Variants in SACS observed in about 807,000 individuals in gnomAD.
SACS encodes the protein sacsin molecular chaperone, also known as sacsin.
In SACS, 197 loss-of-function variants were observed where a neutral mutation model predicts 348.0. That is an observed-to-expected ratio of 0.57 (90% confidence interval 0.50 to 0.64). The LOEUF is 0.64. Among genes scored for constraint, SACS ranks in the 30% least tolerant of loss-of-function variants. SACS has a pLI of 0.00. For missense variants in SACS, 4,999 were observed against 5,360.8 expected, an observed-to-expected ratio of 0.93 and a Z score of 2.11; for synonymous variants, 1,985 against 1,910.6, an observed-to-expected ratio of 1.04 and a Z score of -1.02.
rs1455651684 is a variant in SACS at position 23,339,184 on chromosome 13, G to A, written c.4692C>T (p.Tyr1564=). ...TAATGATGGGAATGTCAGTGATATG[G>A]TACACAGAATTAAATCCAAGACCAA... ...GKFGLGFNSV[Y]HITDIPIIMS... The change falls in exon 10 of 10, where the codon TAC becomes TAT. Residue 1564 remains tyrosine (Y), a synonymous_variant. Transcript: ENST00000382292. 2 of 1,612,884 alleles carry A rather than the reference G, an allele frequency of 1.2e-6. No homozygotes were observed. The highest frequency in any genetic ancestry group is 8.5e-7 in the Non-Finnish European group (1 of 1,179,484).
At chr13:23,412,016 T>G (rs545408007) in intron 1 of SACS, among the ~76,000 whole-genome samples, 1 of 152,130 alleles carries the variant, frequency 6.6e-6, no homozygotes, top group Admixed American at 6.5e-5. Context: ...TCCCAACACT[T>G]TGGGAGGCAG....
intron 2 of SACS, among the ~76,000 whole-genome samples, chr13:23,405,504 C>A (rs1873166040): frequency 6.6e-6 from 1 of 152,180 alleles, no homozygotes; most frequent in African/African-American, 2.4e-5. Flanking sequence ...GCAAAGACTT[C>A]ATGACTGAAA....
rs747013127 is a variant in SACS, at chr13:23,333,254, T to C, written c.10622A>G (p.Tyr3541Cys). 47 of 1,600,596 alleles carry C rather than the reference T, an allele frequency of 2.9e-5. No homozygotes were observed. Among genetic ancestry groups the C allele is most frequent in the Admixed American group, 7.0e-5 (4 of 57,342 alleles). ...NSRLKQAKHF[Y>C]DRTVRVFEVM... The stretch of plus-strand genomic sequence containing the variant: ...TTCAAAAACTCTCACAGTTCTATCA[T>C]AGAAATGCTTTGCTTGCTTTAGTCT... Residue 3541 changes from tyrosine to cysteine, a missense_variant, in exon 10 of 10, where the codon TAT (tyrosine) becomes TGT (cysteine). By Grantham distance (194) the Tyr-to-Cys change is radical (BLOSUM62 -2). Transcript: ENST00000382292.
chr13:23,382,261 C>A lies in SACS; in HGVS notation c.21-6992G>T, dbSNP rs148847937. ...CTCTGCCTCCCAGGCTCAAACAGTT[C>A]TCCTACCTTAGCCTCCCGGGTAGCT... is the stretch of plus-strand genomic sequence containing the variant. On this transcript the variant is annotated intron_variant, in intron 2 of 9. Transcript: ENST00000382292. Among the ~76,000 whole-genome samples the A allele has an allele frequency of 2.0e-4, 31 of 152,244 alleles. No homozygotes were observed. The East Asian group carries it at 6.0e-3, about 29-fold the overall frequency.
chr13:23,359,788 A>G (rs1870616079), intron 6 of SACS, among the ~76,000 whole-genome samples: 1 of 152,166 alleles, frequency 6.6e-6, no homozygotes. Context: ...TACAAAGCAG[A>G]TGAACCTGTG....
rs1312393079 is a variant in SACS, at chr13:23,332,253, G to A, written c.11623C>T (p.Arg3875Cys). 1.2e-5 allele frequency: 20 copies of A among 1,613,778 alleles called. No individual in the cohort carries two copies. The highest frequency in any genetic ancestry group is 1.7e-5 in the Admixed American group (1 of 60,010). ...CCAGAAACTACTCTCTTAACTGTACGCATTTCATTAGGATCTAATTGTTTG... is the reference window on the plus strand; with the variant it reads ...CCAGAAACTACTCTCTTAACTGTACACATTTCATTAGGATCTAATTGTTTG... ...EGKQLDPNEM[R>C]TVKRVVSGLF... The change falls in exon 10 of 10, where the codon CGT becomes TGT. Residue 3875 changes from arginine (R) to cysteine (C), a missense_variant. Arg to Cys is a radical substitution (Grantham distance 180). This residue lies in a region of SACS where 831 missense variants were observed against 941.8 expected (regional missense o/e 0.88). Transcript: ENST00000382292.
chr13:23,350,845 T>TGA, intron 9 of SACS, among the ~76,000 whole-genome samples: 1 of 152,160 alleles, frequency 6.6e-6, no homozygotes, highest in South Asian at 2.1e-4. Context: ...ATGACTTACA[T>TGA]GATTGGTAAG....
chr13:23,341,624 A>AT lies in SACS; in HGVS notation c.2251dup (p.Met751AsnfsTer18). ...TTCTCTGCCAGGCCAGAATGTATTC[A>AT]TTACTTCCTTGATAAGACGTGCAAA... On this transcript the variant is annotated frameshift_variant, in exon 10 of 10. Coordinates refer to ENST00000382292, the MANE Select transcript of SACS (RefSeq NM_014363.6). LOFTEE classifies it high-confidence loss of function. The AT allele has an allele frequency of 6.2e-7, 1 of 1,613,698 alleles. No homozygotes were observed. The highest frequency in any genetic ancestry group is 8.5e-7 in the Non-Finnish European group (1 of 1,179,954).
chr13:23,416,560 C>A (rs1266129579), intron 1 of SACS, among the ~76,000 whole-genome samples: 1 of 151,986 alleles, frequency 6.6e-6, no homozygotes, highest in East Asian at 1.9e-4. Flanking sequence ...GAGTTCGAGG[C>A]CAGCCTGACC....
At chr13:23,401,972 G>C (rs1872996590) in intron 2 of SACS, among the ~76,000 whole-genome samples, 1 of 152,190 alleles carries the variant, frequency 6.6e-6, no homozygotes, top group African/African-American at 2.4e-5. Context: ...GAGGTCAGGA[G>C]ATTGAGACCA....
In SACS at chr13:23,339,993, T is replaced by C. The variant is rs1390306155; in HGVS notation, c.3883A>G (p.Ile1295Val). The C allele has an allele frequency of 1.2e-6, 2 of 1,613,280 alleles. No homozygotes were observed. The highest frequency in any genetic ancestry group is 1.3e-5 in the African/African-American group (1 of 74,912). Reference sequence around the variant, plus strand: ...TAAGGCTGAAGGTCAAGATCATGGATTGGTTTAATCACAGCCTGGGCAAGT... The same window carrying C: ...TAAGGCTGAAGGTCAAGATCATGGACTGGTTTAATCACAGCCTGGGCAAGT... ...CPLAQAVIKPIHDLDLQPYLH... is the reference protein window; with the variant it reads ...CPLAQAVIKPVHDLDLQPYLH... The change falls in exon 10 of 10, where the codon ATC becomes GTC. Residue 1295 changes from isoleucine (I) to valine (V), a missense_variant. Around this residue, in one of 6 missense-constraint regions of SACS, gnomAD observed 3,156 missense variants for 3,380.1 expected, o/e 0.93. Coordinates refer to ENST00000382292, the MANE Select transcript of SACS (RefSeq NM_014363.6).
chr13:23,363,748 C>T (rs905802500), intron 6 of SACS, among the ~76,000 whole-genome samples: 26 of 152,166 alleles, frequency 1.7e-4, no homozygotes, highest in African/African-American at 6.0e-4. Context: ...CATATATTAT[C>T]TCATATAATC....
chr13:23,414,394 G>A lies in SACS; in HGVS notation c.-501-2654C>T, dbSNP rs535846995. On this transcript the variant is annotated intron_variant, in intron 1 of 9. Transcript: ENST00000382292. Reference sequence around the variant, plus strand: ...ATAGATCAGAACTCAAGGGAAATCTGGAATTAGTTACACTGGAAGCAGGAC... The same window carrying A: ...ATAGATCAGAACTCAAGGGAAATCTAGAATTAGTTACACTGGAAGCAGGAC... Among the ~76,000 whole-genome samples the A allele has an allele frequency of 2.9e-4, 44 of 151,470 alleles. No individual in the cohort carries two copies. In the South Asian group the frequency reaches 8.9e-3, roughly 31 times the overall value.
chr13:23,374,513 T>C (rs1270546630), intron 3 of SACS, among the ~76,000 whole-genome samples: 1 of 152,244 alleles, frequency 6.6e-6, no homozygotes, highest in Non-Finnish European at 1.5e-5. Flanking sequence ...CAGTAAAATG[T>C]CTTCAACTGA....
chr13:23,410,318 G>T (rs1873429956), intron 2 of SACS, among the ~76,000 whole-genome samples: 1 of 152,034 alleles, frequency 6.6e-6, no homozygotes, highest in South Asian at 2.1e-4. Context: ...CAATACTCTT[G>T]TCCATTCACA....
chr13:23,410,341 A>G (rs2137959719), intron 2 of SACS, among the ~76,000 whole-genome samples: 1 of 152,326 alleles, frequency 6.6e-6, no homozygotes, highest in Non-Finnish European at 1.5e-5. Context: ...CTTAAATAAC[A>G]ACCAGTCACA....
intron 2 of SACS, among the ~76,000 whole-genome samples, chr13:23,381,469 C>A (rs1872058330): frequency 6.6e-6 from 1 of 151,986 alleles, no homozygotes; most frequent in Non-Finnish European, 1.5e-5. Context: ...CTCCTACTAG[C>A]CTGCACAGGA....
rs1869069346 is a variant in SACS, at chr13:23,340,175, CA to C, written c.3700del (p.Trp1234GlyfsTer30). On this transcript the variant is annotated frameshift_variant, in exon 10 of 10. Transcript: ENST00000382292. LOFTEE classifies it high-confidence loss of function. ...VLKHFKIVVD[W>X]YSSKTFSDED... ...ATCACTAAAGGTTTTTGAAGAATAC[CA>C]ATCAACAACAATTTTAAAGTGTTTT... 6.2e-7 allele frequency: 1 copy of C among 1,612,288 alleles called. No individual in the cohort carries two copies. The highest frequency in any genetic ancestry group is 1.3e-5 in the African/African-American group (1 of 74,842).
rs938960828 is a variant in SACS, at chr13:23,351,990, C to T, written c.2185+1795G>A. 3.3e-5 allele frequency among the ~76,000 whole-genome samples: 5 copies of T among 152,286 alleles called. No homozygotes were observed. In the South Asian group the frequency reaches 8.3e-4, roughly 25 times the overall value. ...GTCAAGTTTTCTATATTAATTTATACATTTAACTCATCCCTAAAAATATAA... is the reference window on the plus strand; with the variant it reads ...GTCAAGTTTTCTATATTAATTTATATATTTAACTCATCCCTAAAAATATAA... On this transcript the variant is annotated intron_variant, in intron 9 of 9. Coordinates refer to ENST00000382292, the MANE Select transcript of SACS (RefSeq NM_014363.6).
Sources: allele counts gnomAD v4.1 joint callset (sites outside exome capture counted in the v4.1 genomes callset), GRCh38; gene constraint gnomAD v4.1.1; regional missense constraint gnomAD v4.1.1; transcripts MANE v1.5; gene names NCBI Gene and HGNC (gene_info 2026-07-23, HGNC 2026-07-21).